Variants in FZD3 observed in about 807,000 individuals in gnomAD.
FZD3 encodes the protein frizzled class receptor 3.
A neutral mutation model predicts 60.7 loss-of-function variants in FZD3; 30 were observed. That is an observed-to-expected ratio of 0.49 (90% CI 0.37 to 0.67). The LOEUF (loss-of-function observed/expected upper bound fraction) is 0.67. Ranked by LOEUF, FZD3 falls within the 30% of genes least tolerant of loss-of-function variation. The probability of loss-of-function intolerance (pLI) is 0.00; values close to 1 mark genes in which losing one functional copy is unlikely to be tolerated. For synonymous variants in FZD3, 246 were observed against 275.2 expected (o/e 0.89, Z 1.05); for missense variants, 605 against 838.7 (o/e 0.72, Z 3.44).
rs114354291 is a variant in FZD3, at chr8:28,494,753, C to A, written c.-391+410C>A. Among the ~76,000 whole-genome samples, 288 of 152,064 alleles carry A rather than the reference C, an allele frequency of 1.9e-3. 3 individuals carry two copies. Among genetic ancestry groups the A allele is most frequent in the African/African-American group, 6.6e-3 (274 of 41,518 alleles). ...CCTCTACCCCGGCTCAGACCCTGCG[C>A]GGCGGAGAGAGGGGCCCGGCCGGAG... On this transcript the variant is annotated intron_variant, in intron 1 of 7. Coordinates refer to ENST00000240093, the MANE Select transcript of FZD3 (RefSeq NM_017412.4).
chr8:28,562,604 TC>T lies in FZD3; in HGVS notation c.1788-193del, dbSNP rs1444377180. On this transcript the variant is annotated intron_variant, in intron 7 of 7. Transcript: ENST00000240093. ...TGGAACCTTAATTCTGATTGGATTA[TC>T]TCTTCTCTTTTGTTGGCCATGTCAA... Among the ~76,000 whole-genome samples the T allele has an allele frequency of 5.2e-4, 79 of 152,344 alleles. 2 individuals are homozygous for T. Among genetic ancestry groups the T allele is most frequent in the African/African-American group, 1.8e-3 (75 of 41,578 alleles).
In FZD3 at chr8:28,527,685, A is replaced by T. The variant is rs370665917; in HGVS notation, c.925A>T (p.Ile309Phe). Residue 309 changes from isoleucine (I) to phenylalanine (F), a missense_variant, in exon 5 of 8, where the codon ATC becomes TTC. Coordinates refer to ENST00000240093, the MANE Select transcript of FZD3 (RefSeq NM_017412.4). The surrounding 1 kb of genome is among the most constrained non-coding windows in gnomAD (Gnocchi z 5.0). The part of the protein sequence containing the change: ...AGSVWWVILT[I>F]TWFLAAVPKW... ...CAGTGTATGGTGGGTAATTCTTACCATCACATGGTTTTTAGCAGCTGTGCC... is the reference window on the plus strand; with the variant it reads ...CAGTGTATGGTGGGTAATTCTTACCTTCACATGGTTTTTAGCAGCTGTGCC... The T allele has an allele frequency of 1.2e-6, 2 of 1,614,156 alleles. No individual in the cohort carries two copies. Among genetic ancestry groups the T allele is most frequent in the Non-Finnish European group, 1.7e-6 (2 of 1,180,000 alleles).
At chr8:28,511,640 A>G (rs1236877430) in intron 3 of FZD3, among the ~76,000 whole-genome samples, 1 of 152,206 alleles carries the variant, frequency 6.6e-6, no homozygotes, top group Non-Finnish European at 1.5e-5. Flanking sequence ...AGGCTCTTGT[A>G]GTATCCCCTT....
In FZD3 at chr8:28,502,887, CTGTT is replaced by C; in HGVS notation, c.-124_-121del. 1.6e-6 allele frequency: 1 copy of C among 609,056 alleles called. No individual in the cohort carries two copies. The highest frequency in any genetic ancestry group is 2.8e-5 in the East Asian group (1 of 36,150). 37.7% of individuals were successfully genotyped at this position (609,056 alleles called of 1,614,324 possible). ...CTCTGACGGTGCGAAGAGTATTTAACTGTTTGAAGAATTTAACAGTAAGATACAG... is the reference window on the plus strand; with the variant it reads ...CTCTGACGGTGCGAAGAGTATTTAACTGAAGAATTTAACAGTAAGATACAG... On this transcript the variant is annotated 5_prime_UTR_variant, in exon 3 of 8. Transcript: ENST00000240093.
At chr8:28,543,256 C>T (rs1805214308) in intron 5 of FZD3, among the ~76,000 whole-genome samples, 1 of 152,302 alleles carries the variant, frequency 6.6e-6, no homozygotes, top group African/African-American at 2.4e-5. Context: ...TAAGTCACCT[C>T]TTTACAAATA....
chr8:28,565,429 TA>T lies in FZD3; in HGVS notation c.*2422del, dbSNP rs201150403. ...TCTCCTGCAAACAGCATGAGAGAAC[TA>T]AAACAAACATTCACAAACAAAAATA... is the stretch of plus-strand genomic sequence containing the variant. On this transcript the variant is annotated 3_prime_UTR_variant, in exon 8 of 8. Transcript: ENST00000240093. 31 of 152,302 alleles carry T rather than the reference TA, an allele frequency of 2.0e-4. No homozygotes were observed. In the East Asian group the frequency reaches 5.8e-3, roughly 28 times the overall value. The allele number at this position is 152,302 out of a possible 1,614,324, so 9.4% of individuals were successfully genotyped here. A position where few individuals can be genotyped will look rare whatever the true frequency, so the allele number is the denominator to read the frequency against.
Position 28,572,658 on chromosome 8 carries a change from C to T in FZD3, c.*9647C>T, listed in dbSNP as rs1451598069. On this transcript the variant is annotated 3_prime_UTR_variant, in exon 8 of 8. Transcript: ENST00000240093. ...ATCATTTAGAGGCAAAATAATTTCC[C>T]CCTCACATCTAATGTGGACTCAAAT... 1 of 152,096 alleles carries T rather than the reference C, an allele frequency of 6.6e-6. No homozygotes were observed. The highest frequency in any genetic ancestry group is 1.9e-4 in the East Asian group (1 of 5,182). 9.4% of individuals were successfully genotyped at this position (152,096 alleles called of 1,614,324 possible).
At chr8:28,508,425 CTTTTTTT>C (rs35048077) in intron 3 of FZD3, among the ~76,000 whole-genome samples, 2 of 129,842 alleles carry the variant, frequency 1.5e-5, no homozygotes, top group African/African-American at 2.9e-5. Flanking sequence ...CTAGGGAATA[CTTTTTTT>C]TTTTTTTTTT....
At chr8:28,537,224 T>A (rs10098716) in intron 5 of FZD3, among the ~76,000 whole-genome samples, 1 of 152,220 alleles carries the variant, frequency 6.6e-6, no homozygotes, top group Non-Finnish European at 1.5e-5. Context: ...TTATAGAAAC[T>A]GTAATACTGT....
intron 5 of FZD3, among the ~76,000 whole-genome samples, chr8:28,535,777 G>C (rs1307627925): frequency 6.6e-6 from 1 of 152,094 alleles, no homozygotes; most frequent in African/African-American, 2.4e-5. Flanking sequence ...TAACAGATCA[G>C]TAATTTTACA....
At chr8:28,520,948 C>T in intron 4 of FZD3, 114 bp downstream of exon 4, 1 of 537,602 alleles carries the variant, frequency 1.9e-6, no homozygotes, top group East Asian at 3.1e-5. Flanking sequence ...ACATATTAGT[C>T]ATTAATTTTG....
chr8:28,551,638 T>G lies in FZD3; in HGVS notation c.1440T>G (p.Phe480Leu), dbSNP rs1475049742. The G allele has an allele frequency of 1.2e-6, 2 of 1,610,450 alleles. No individual in the cohort carries two copies. The highest frequency in any genetic ancestry group is 2.2e-5 in the South Asian group (2 of 90,788). ...TQMSRPDLIL[F>L]LMKYLMALIV... ...TGAGTCGTCCAGACTTGATTCTCTT[T>G]CTGATGAAATACCTGATGGCTCTCA... Residue 480 changes from phenylalanine (F) to leucine (L), a missense_variant, in exon 6 of 8, where the codon TTT becomes TTG. Coordinates refer to ENST00000240093, the MANE Select transcript of FZD3 (RefSeq NM_017412.4).
At chr8:28,522,541 A>G (rs765049830) in intron 4 of FZD3, among the ~76,000 whole-genome samples, 2 of 152,196 alleles carry the variant, frequency 1.3e-5, no homozygotes, top group Non-Finnish European at 2.9e-5. Flanking sequence ...GTAAATTGGT[A>G]TAAAACAATT....
chr8:28,505,360 A>C (rs758030685), intron 3 of FZD3, among the ~76,000 whole-genome samples: 30 of 149,890 alleles, frequency 2.0e-4, no homozygotes, highest in Non-Finnish European at 2.2e-4. Flanking sequence ...TTCTTTTTTT[A>C]TTTTTTTTTG....
Position 28,522,292 on chromosome 8 carries a change from T to C in FZD3, c.386+1458T>C, listed in dbSNP as rs187371897. 3.9e-5 allele frequency among the ~76,000 whole-genome samples: 6 copies of C among 152,222 alleles called. No homozygotes were observed. The East Asian group carries it at 9.6e-4, about 24-fold the overall frequency. ...ATGACATTGAAAAAAAAAACAGTGT[T>C]ATTTAAGGACCTGCTGTATGGTTTC... On this transcript the variant is annotated intron_variant, in intron 4 of 7. Coordinates refer to ENST00000240093, the MANE Select transcript of FZD3 (RefSeq NM_017412.4).
chr8:28,511,993 G>A (rs1365816888), intron 3 of FZD3, among the ~76,000 whole-genome samples: 1 of 152,148 alleles, frequency 6.6e-6, no homozygotes, highest in Admixed American at 6.5e-5. Flanking sequence ...TTTTGTTTTA[G>A]TGCTATACCT....
At position 28,569,360 on chromosome 8, in the gene FZD3, CCT is replaced by C. The variant is rs1585200734; in HGVS notation, c.*6354_*6355del. The C allele has an allele frequency of 2.0e-5, 3 of 149,134 alleles. No homozygotes were observed. In the East Asian group the frequency reaches 5.9e-4, roughly 29 times the overall value. The allele number at this position is 149,134 out of a possible 1,614,324, so 9.2% of individuals were successfully genotyped here. ...TCAGGAAACTTGACTTCTACTCTTG[CCT>C]CTCTTTTGCAGTTAGCTGTGTAACT... On this transcript the variant is annotated 3_prime_UTR_variant, in exon 8 of 8. Transcript: ENST00000240093.
intron 3 of FZD3, among the ~76,000 whole-genome samples, chr8:28,516,120 A>G (rs2130332079): frequency 6.6e-6 from 1 of 152,276 alleles, no homozygotes; most frequent in South Asian, 2.1e-4. Flanking sequence ...GCTTTTGCAT[A>G]TGGATTTTCT....
intron 5 of FZD3, among the ~76,000 whole-genome samples, chr8:28,546,902 G>A (rs1365091625): frequency 6.6e-6 from 1 of 151,790 alleles, no homozygotes; most frequent in African/African-American, 2.4e-5. Flanking sequence ...CCTGGGAGGC[G>A]GAGCTTGCAG....
Sources: allele counts gnomAD v4.1 joint callset (sites outside exome capture counted in the v4.1 genomes callset), GRCh38; gene constraint gnomAD v4.1.1; non-coding constraint Gnocchi (gnomAD v3.1); transcripts MANE v1.5; gene names NCBI Gene and HGNC (gene_info 2026-07-23, HGNC 2026-07-21).